Variants in CLSTN1 observed in about 807,000 individuals in gnomAD.
CLSTN1 encodes calsyntenin 1, also known as calsyntenin-1.
A neutral mutation model predicts 108.3 loss-of-function variants in CLSTN1; 28 were observed. The observed-to-expected ratio is 0.26, with a 90% CI of 0.19 to 0.35. CLSTN1 has a LOEUF of 0.35. Ranked by LOEUF, CLSTN1 falls within the 10% of genes least tolerant of loss-of-function variation. The pLI is 1.00. For missense variants in CLSTN1, 1,157 were observed against 1,302.6 expected (o/e 0.89, Z 1.72); for synonymous variants, 524 against 534.9 (o/e 0.98, Z 0.28).
Position 9,823,928 on chromosome 1 carries a change from A to AGCAGCGTCTTGCTGAAG in CLSTN1, c.-212_-196dup, listed in dbSNP as rs1655297583. On this transcript the variant is annotated 5_prime_UTR_variant, in exon 1 of 19. Coordinates refer to ENST00000377298, the MANE Select transcript of CLSTN1 (RefSeq NM_001009566.3). The surrounding 1 kb of genome is among the most constrained non-coding windows in gnomAD (Gnocchi z 6.3). ...GGACGCGGCGCCCTCCCCGCCTCAG[A>AGCAGCGTCTTGCTGAAG]GCAGCGTCTTGCTGAAGGCAGCGGC... 1 of 164,046 alleles carries AGCAGCGTCTTGCTGAAG rather than the reference A, an allele frequency of 6.1e-6. No homozygotes were observed. The highest frequency in any genetic ancestry group is 1.3e-5 in the Non-Finnish European group (1 of 78,072). The allele number at this position is 164,046 out of a possible 1,614,324, so 10.2% of individuals were successfully genotyped here.
intron 1 of CLSTN1, among the ~76,000 whole-genome samples, chr1:9,777,907 C>A (rs1653034992): frequency 6.6e-6 from 1 of 152,090 alleles, no homozygotes; most frequent in Admixed American, 6.6e-5. Context: ...CACTCGGGCT[C>A]TGTTGAAAAG....
chr1:9,729,748 A>AGGCAAGGCCCGGCCACTTGTAGCTACCCT lies in CLSTN1; in HGVS notation c.*731_*759dup, dbSNP rs1650236187. The AGGCAAGGCCCGGCCACTTGTAGCTACCCT allele has an allele frequency of 6.6e-6, 1 of 152,432 alleles. No individual in the cohort carries two copies. The highest frequency in any genetic ancestry group is 1.5e-5 in the Non-Finnish European group (1 of 68,236). The allele number at this position is 152,432 out of a possible 1,614,324, so 9.4% of individuals were successfully genotyped here. ...AAATTAGGAACAGGTAGAATCCCAAAGGCAAGGCCCGGCCACTTGTAGCTA... is the reference window on the plus strand; with the variant it reads ...AAATTAGGAACAGGTAGAATCCCAAAGGCAAGGCCCGGCCACTTGTAGCTACCCTGGCAAGGCCCGGCCACTTGTAGCTA... On this transcript the variant is annotated 3_prime_UTR_variant, in exon 19 of 19. Transcript: ENST00000377298.
At chr1:9,796,402 C>T (rs1332543583) in intron 1 of CLSTN1, among the ~76,000 whole-genome samples, 1 of 150,164 alleles carries the variant, frequency 6.7e-6, no homozygotes, top group Non-Finnish European at 1.5e-5. Context: ...GTGGGCCAGG[C>T]GCGGTGGCTC....
chr1:9,772,889 G>A (rs1437216785), intron 2 of CLSTN1, among the ~76,000 whole-genome samples: 2 of 152,142 alleles, frequency 1.3e-5, no homozygotes, highest in Non-Finnish European at 2.9e-5. Context: ...TTGAGGACCA[G>A]CAACACCAGC....
intron 5 of CLSTN1, among the ~76,000 whole-genome samples, chr1:9,750,362 A>G (rs750045470): frequency 3.9e-5 from 6 of 152,174 alleles, no homozygotes; most frequent in Non-Finnish European, 7.4e-5. Flanking sequence ...AGATCTCTGG[A>G]AAGTGTTTGC....
At chr1:9,741,343 G>T in intron 9 of CLSTN1, 87 bp from the exon 10 acceptor site, 1 of 1,310,118 alleles carries the variant, frequency 7.6e-7, no homozygotes, top group Non-Finnish European at 1.1e-6. Flanking sequence ...CCCAACACAA[G>T]GGTCTTCCTA....
At chr1:9,742,061 G>A (rs932573288) in intron 9 of CLSTN1, among the ~76,000 whole-genome samples, 10 of 152,202 alleles carry the variant, frequency 6.6e-5, no homozygotes, top group African/African-American at 2.4e-4. Flanking sequence ...TTCCCATCCT[G>A]TGATGAACGA....
At chr1:9,765,562 G>A (rs558862471) in intron 2 of CLSTN1, among the ~76,000 whole-genome samples, 1 of 150,540 alleles carries the variant, frequency 6.6e-6, no homozygotes, top group South Asian at 2.1e-4. Context: ...CCCGGGAAAC[G>A]GAGACTCCAT....
intron 16 of CLSTN1, among the ~76,000 whole-genome samples, chr1:9,732,256 A>G (rs1249804054): frequency 1.3e-5 from 2 of 152,132 alleles, no homozygotes; most frequent in East Asian, 3.9e-4. Context: ...AGCTATTCAC[A>G]AGCATGATCA....
chr1:9,735,874 C>T lies in CLSTN1; in HGVS notation c.1734+11G>A. The T allele has an allele frequency of 6.2e-7, 1 of 1,613,982 alleles. No homozygotes were observed. The highest frequency in any genetic ancestry group is 8.5e-7 in the Non-Finnish European group (1 of 1,179,980). On this transcript the variant is annotated intron_variant, in intron 12 of 18. Coordinates refer to ENST00000377298, the MANE Select transcript of CLSTN1 (RefSeq NM_001009566.3). ...CCCATGAGTGGTGTGCAGTCGAGCGCTCGGTGTTACCTGCACGCCTCTGCC... is the reference window on the plus strand; with the variant it reads ...CCCATGAGTGGTGTGCAGTCGAGCGTTCGGTGTTACCTGCACGCCTCTGCC...
chr1:9,790,546 ATGTTT>A (rs1375854262), intron 1 of CLSTN1, among the ~76,000 whole-genome samples: 3 of 151,394 alleles, frequency 2.0e-5, no homozygotes, highest in Non-Finnish European at 4.4e-5. Context: ...GACTTTTTAA[ATGTTT>A]TGTTGAGATC....
chr1:9,772,750 G>A (rs1227291694), intron 2 of CLSTN1, among the ~76,000 whole-genome samples: 1 of 152,134 alleles, frequency 6.6e-6, no homozygotes, highest in Non-Finnish European at 1.5e-5. Context: ...ATTCACTGAA[G>A]GTAAAATCTA....
chr1:9,740,107 C>T (rs964219240), intron 10 of CLSTN1, among the ~76,000 whole-genome samples: 5 of 151,646 alleles, frequency 3.3e-5, no homozygotes, highest in Admixed American at 6.6e-5. Context: ...TGAGCCACCG[C>T]GCCCGGCCAA....
At chr1:9,758,701 C>T (rs1651933131) in intron 2 of CLSTN1, among the ~76,000 whole-genome samples, 1 of 152,218 alleles carries the variant, frequency 6.6e-6, no homozygotes, top group African/African-American at 2.4e-5. Flanking sequence ...ATTTTCACTA[C>T]TACCTAACAG....
At chr1:9,766,614 C>T (rs986504472) in intron 2 of CLSTN1, among the ~76,000 whole-genome samples, 2 of 152,080 alleles carry the variant, frequency 1.3e-5, no homozygotes, top group Non-Finnish European at 2.9e-5. Context: ...GAGCCGAGAT[C>T]GCGCCACTGC....
At chr1:9,747,176 CAA>C (rs70998306) in intron 7 of CLSTN1, among the ~76,000 whole-genome samples, 801 of 32,592 alleles carry the variant, frequency 0.025, 3 homozygotes, top group African/African-American at 0.062. Context: ...GAGACTGTCT[CAA>C]AAAAAAAAAA....
intron 10 of CLSTN1, 46 bp from the exon 11 acceptor site, chr1:9,737,600 A>G (rs1650761379): frequency 6.4e-7 from 1 of 1,568,384 alleles, no homozygotes; most frequent in Admixed American, 1.7e-5. Flanking sequence ...CTGAGAGGTT[A>G]GGGTCTTCAA....
chr1:9,763,791 C>T (rs1168036543), intron 2 of CLSTN1, among the ~76,000 whole-genome samples: 1 of 152,154 alleles, frequency 6.6e-6, no homozygotes, highest in Non-Finnish European at 1.5e-5. Context: ...GAGGCCCTTC[C>T]AGTTCCCACC....
At chr1:9,798,597 G>A (rs1030820681) in intron 1 of CLSTN1, among the ~76,000 whole-genome samples, 9 of 152,214 alleles carry the variant, frequency 5.9e-5, no homozygotes, top group African/African-American at 2.2e-4. Context: ...GCAGAAGGGA[G>A]TAGCAAATGC....
Sources: gnomAD v4.1 joint callset for allele counts (sites outside exome capture counted in the v4.1 genomes callset) on GRCh38, gnomAD v4.1.1 for gene constraint, Gnocchi (gnomAD v3.1) non-coding constraint, MANE v1.5 for transcripts, NCBI Gene and HGNC (gene_info 2026-07-23, HGNC 2026-07-21) for gene names.